KIF1C: variants seen among roughly 807,000 people sequenced by gnomAD.
The protein encoded by KIF1C is kinesin family member 1C.
In KIF1C, 61 loss-of-function variants were observed where a neutral mutation model predicts 126.5. The ratio of observed to expected loss-of-function variants is 0.48; its 90% confidence interval spans 0.39 to 0.60. KIF1C has a LOEUF of 0.60. Among genes scored for constraint, KIF1C ranks in the 20% least tolerant of loss-of-function variants. The pLI is 0.00. For synonymous variants in KIF1C, 640 were observed against 580.6 expected (o/e 1.10, Z -1.47); for missense variants, 1,315 against 1,489.2 (o/e 0.88, Z 1.93).
chr17:5,003,746 A>G (rs975096217), intron 9 of KIF1C, 57 bp downstream of exon 9: 3 of 1,567,562 alleles, frequency 1.9e-6, no homozygotes, highest in Middle Eastern at 1.7e-4. Flanking sequence ...CTGTATGTGG[A>G]GGTCTCCAGT....
At chr17:5,014,881 C>A (rs1040007726) in intron 18 of KIF1C, 44 bp downstream of exon 18, 1 of 1,464,738 alleles carries the variant, frequency 6.8e-7, no homozygotes, top group Admixed American at 2.0e-5. Flanking sequence ...GGAGAGAGGC[C>A]CCATGTTCCA....
Position 5,006,910 on chromosome 17 carries a change from C to T in KIF1C, c.1166-5C>T, listed in dbSNP as rs1395735942. On this transcript the variant is annotated splice_region_variant and splice_polypyrimidine_tract_variant and intron_variant, in intron 13 of 22. Coordinates refer to ENST00000320785, the MANE Select transcript of KIF1C (RefSeq NM_006612.6). ...CTCATTCTTTTTCCTCTTTCTCCCT[C>T]CCAGGCCTGAAGACGGAAGAAGGGA... The T allele has an allele frequency of 1.9e-6, 3 of 1,611,920 alleles. No homozygotes were observed. Among genetic ancestry groups the T allele is most frequent in the Middle Eastern group, 1.7e-4 (1 of 6,048 alleles).
In KIF1C at chr17:5,007,577, C is replaced by G. The variant is rs73973686; in HGVS notation, c.1491+35C>G. The G allele has an allele frequency of 1.7e-3, 2,481 of 1,496,718 alleles. 26 individuals are homozygous for G. In the African/African-American group the frequency reaches 0.028, roughly 17 times the overall value. 92.7% of individuals were successfully genotyped at this position (1,496,718 alleles called of 1,614,324 possible). A position where few individuals can be genotyped will look rare whatever the true frequency, so the allele number is the denominator to read the frequency against. ...GAATCGAGCGAGGAGGCCTAGAGAGCTCTCTGGATGCCTAGAAAAGAGGCA... is the reference window on the plus strand; with the variant it reads ...GAATCGAGCGAGGAGGCCTAGAGAGGTCTCTGGATGCCTAGAAAAGAGGCA... On this transcript the variant is annotated intron_variant, in intron 16 of 22. Transcript: ENST00000320785.
chr17:5,013,564 G>A (rs991208594), intron 16 of KIF1C, 89 bp from the exon 17 acceptor site: 29 of 855,494 alleles, frequency 3.4e-5, no homozygotes, highest in Non-Finnish European at 5.3e-5. Flanking sequence ...TGCCAGGACT[G>A]GAGGGGTGTC....
chr17:5,023,990 C>T lies in KIF1C; in HGVS notation c.3151C>T (p.Gln1051Ter). Residue 1051 changes from glutamine (Q) to a stop codon, truncating the protein, a stop_gained, in exon 23 of 23, where the codon CAG becomes TAG. Coordinates refer to ENST00000320785, the MANE Select transcript of KIF1C (RefSeq NM_006612.6). LOFTEE classifies it high-confidence loss of function. This position sits in a 1 kb window ranked among gnomAD's most constrained non-coding sequence, Gnocchi z 4.2. ...AGCGGGTTCTGCACAGCCTGAACCC[C>T]AGCACTTCCAGCCCAAAAAGCACAA... ...RGAGSAQPEP[Q>*]HFQPKKHNSY... 1 of 1,598,056 alleles carries T rather than the reference C, an allele frequency of 6.3e-7. No homozygotes were observed. Among genetic ancestry groups the T allele is most frequent in the African/African-American group, 1.3e-5 (1 of 74,496 alleles).
In KIF1C at chr17:5,007,465, A is replaced by C; in HGVS notation, c.1416-2A>C. ...TGACATTTGCCTCTCCTCTGCCCAC[A>C]GAGAAGCATTGCTGGCTGAGATGGG... On this transcript the variant is annotated splice_acceptor_variant, in intron 15 of 22. Transcript: ENST00000320785. LOFTEE classifies it high-confidence loss of function. The C allele has an allele frequency of 1.3e-6, 2 of 1,593,846 alleles. No homozygotes were observed. Among genetic ancestry groups the C allele is most frequent in the Admixed American group, 1.8e-5 (1 of 57,082 alleles).
chr17:4,998,556 C>T (rs1183571096), intron 1 of KIF1C, among the ~76,000 whole-genome samples: 1 of 152,224 alleles, frequency 6.6e-6, no homozygotes, highest in Non-Finnish European at 1.5e-5. Flanking sequence ...GCCGTGCCAC[C>T]CCATCCCTGT....
At chr17:5,003,288 C>G (rs1362315656) in intron 8 of KIF1C, among the ~76,000 whole-genome samples, 11 of 152,090 alleles carry the variant, frequency 7.2e-5, no homozygotes, top group African/African-American at 2.7e-4. Context: ...CTCAGGTGAT[C>G]CAGCCGCCTC....
At chr17:5,003,717 T>G in intron 9 of KIF1C, 28 bp downstream of exon 9, 1 of 1,599,920 alleles carries the variant, frequency 6.3e-7, no homozygotes, top group East Asian at 2.2e-5. Flanking sequence ...GGTGGTTTGT[T>G]GTGGGGCAGT....
At position 5,020,911 on chromosome 17, in the gene KIF1C, T is replaced by C. The variant is rs1487779209; in HGVS notation, c.2010+33T>C. 2 of 1,547,920 alleles carry C rather than the reference T, an allele frequency of 1.3e-6. No individual in the cohort carries two copies. Among genetic ancestry groups the C allele is most frequent in the Admixed American group, 2.0e-5 (1 of 51,242 alleles). On this transcript the variant is annotated intron_variant, in intron 21 of 22. Coordinates refer to ENST00000320785, the MANE Select transcript of KIF1C (RefSeq NM_006612.6). The surrounding 1 kb of genome is among the most constrained non-coding windows in gnomAD (Gnocchi z 5.8). The stretch of plus-strand genomic sequence containing the variant: ...GCAGCAGGGGCTGGGGATGGGCTGA[T>C]GGGCAGATGAGCCGCAAGCCTGAGT...
At position 5,020,049 on chromosome 17, in the gene KIF1C, C is replaced by T; in HGVS notation, c.1720C>T (p.Leu574Phe). 2 of 1,602,818 alleles carry T rather than the reference C, an allele frequency of 1.2e-6. No homozygotes were observed. The highest frequency in any genetic ancestry group is 1.7e-6 in the Non-Finnish European group (2 of 1,174,470). Residue 574 changes from leucine to phenylalanine, a missense_variant, in exon 19 of 23, where the codon CTT (leucine) becomes TTT (phenylalanine). Leu to Phe is a conservative substitution (Grantham distance 22, BLOSUM62 0). Transcript: ENST00000320785. The surrounding 1 kb of genome is among the most constrained non-coding windows in gnomAD (Gnocchi z 5.8). Reference protein sequence around the residue: ...EGAETYVNGKLVTEPLVLKSG... With the variant: ...EGAETYVNGKFVTEPLVLKSG... Reference sequence around the variant, plus strand: ...AGCTGAGACATATGTGAATGGGAAGCTTGTGACGGAGCCGCTGGTGCTGAA... The same window carrying T: ...AGCTGAGACATATGTGAATGGGAAGTTTGTGACGGAGCCGCTGGTGCTGAA...
intron 16 of KIF1C, among the ~76,000 whole-genome samples, chr17:5,012,458 G>A (rs1047224285): frequency 6.6e-6 from 1 of 152,126 alleles, no homozygotes; most frequent in African/African-American, 2.4e-5. Flanking sequence ...GGGGTCCGCT[G>A]AGTGGAAGTA....
Position 5,023,501 on chromosome 17 carries a change from G to A in KIF1C, c.2662G>A (p.Val888Ile), listed in dbSNP as rs1324654826. Residue 888 changes from valine (V) to isoleucine (I), a missense_variant, in exon 23 of 23, where the codon GTC becomes ATC. Coordinates refer to ENST00000320785, the MANE Select transcript of KIF1C (RefSeq NM_006612.6). This position sits in a 1 kb window ranked among gnomAD's most constrained non-coding sequence, Gnocchi z 4.2. Reference protein sequence around the residue: ...HEDENEEGGEVPWAPPEGSEA... With the variant: ...HEDENEEGGEIPWAPPEGSEA... Reference sequence around the variant, plus strand: ...GGATGAGAATGAAGAAGGTGGTGAGGTCCCCTGGGCCCCGCCTGAAGGATC... The same window carrying A: ...GGATGAGAATGAAGAAGGTGGTGAGATCCCCTGGGCCCCGCCTGAAGGATC... The A allele has an allele frequency of 3.7e-6, 6 of 1,614,010 alleles. No homozygotes were observed. The highest frequency in any genetic ancestry group is 1.7e-4 in the Middle Eastern group (1 of 6,058).
At chr17:5,009,742 C>G (rs1157443543) in intron 16 of KIF1C, among the ~76,000 whole-genome samples, 1 of 147,876 alleles carries the variant, frequency 6.8e-6, no homozygotes, top group Admixed American at 6.7e-5. Context: ...GAGCTGAGAT[C>G]GCACCACTGC....
Position 5,027,725 on chromosome 17 carries a change from T to G in KIF1C, c.*3574T>G, listed in dbSNP as rs1432394459. Reference sequence around the variant, plus strand: ...TGGGTGCGGTGGTTTATGTCTGTAATCCCAGCACTTTGGGAGGCGGAGGCG... The same window carrying G: ...TGGGTGCGGTGGTTTATGTCTGTAAGCCCAGCACTTTGGGAGGCGGAGGCG... On this transcript the variant is annotated 3_prime_UTR_variant, in exon 23 of 23. Coordinates refer to ENST00000320785, the MANE Select transcript of KIF1C (RefSeq NM_006612.6). 1 of 152,064 alleles carries G rather than the reference T, an allele frequency of 6.6e-6. No individual in the cohort carries two copies. The highest frequency in any genetic ancestry group is 2.4e-5 in the African/African-American group (1 of 41,380). 9.4% of individuals were successfully genotyped at this position (152,064 alleles called of 1,614,324 possible). A position where few individuals can be genotyped will look rare whatever the true frequency, so the allele number is the denominator to read the frequency against.
intron 11 of KIF1C, 30 bp downstream of exon 11, chr17:5,004,103 C>T: frequency 6.9e-7 from 1 of 1,452,054 alleles, no homozygotes; most frequent in Non-Finnish European, 9.7e-7. Context: ...TCTCTGCCGA[C>T]CCTGACACAT....
At chr17:5,004,212 ATCCTTTGAAGATT>A in intron 11 of KIF1C, 139 bp downstream of exon 11, 1 of 736,654 alleles carries the variant, frequency 1.4e-6, no homozygotes, top group Non-Finnish European at 2.4e-6. Flanking sequence ...CAAAGGGAAC[ATCCTTTGAAGATT>A]TCCTGATGCT....
chr17:5,020,178 A>G lies in KIF1C; in HGVS notation c.1750+99A>G. Reference sequence around the variant, plus strand: ...GGTGCATCCTAGAGGAGGACCCTGAAATACATCAGAAATAGCACGGGGATA... The same window carrying G: ...GGTGCATCCTAGAGGAGGACCCTGAGATACATCAGAAATAGCACGGGGATA... On this transcript the variant is annotated intron_variant, in intron 19 of 22. Coordinates refer to ENST00000320785, the MANE Select transcript of KIF1C (RefSeq NM_006612.6). The surrounding 1 kb of genome is among the most constrained non-coding windows in gnomAD (Gnocchi z 5.8). The G allele has an allele frequency of 1.1e-6, 1 of 869,968 alleles. No homozygotes were observed. Among genetic ancestry groups the G allele is most frequent in the Non-Finnish European group, 1.9e-6 (1 of 526,024 alleles). 53.9% of individuals were successfully genotyped at this position (869,968 alleles called of 1,614,324 possible).
In KIF1C at chr17:5,023,181, ATT is replaced by A. The variant is rs200967354; in HGVS notation, c.2629-276_2629-275del. On this transcript the variant is annotated intron_variant, in intron 22 of 22. Transcript: ENST00000320785. This position sits in a 1 kb window ranked among gnomAD's most constrained non-coding sequence, Gnocchi z 4.2. ...AGGCGCGCACCACCACACCCGGCTA[ATT>A]TTTTTTTTTTGTATTTTAGTAGAGA... Among the ~76,000 whole-genome samples, 1 of 145,964 alleles carries A rather than the reference ATT, an allele frequency of 6.9e-6. No individual in the cohort carries two copies. Among genetic ancestry groups the A allele is most frequent in the African/African-American group, 2.5e-5 (1 of 39,964 alleles).
Sources: gnomAD v4.1 joint callset for allele counts (sites outside exome capture counted in the v4.1 genomes callset) on GRCh38, gnomAD v4.1.1 for gene constraint, Gnocchi (gnomAD v3.1) non-coding constraint, MANE v1.5 for transcripts, NCBI Gene and HGNC (gene_info 2026-07-23, HGNC 2026-07-21) for gene names.